The following C12orf56 variants were observed in gnomAD, a reference collection of about 807,000 sequenced individuals.
The protein encoded by C12orf56 is uncharacterized protein C12orf56.
Under a neutral mutation model 69.9 loss-of-function variants are expected in C12orf56, and 71 were observed. The observed-to-expected ratio is 1.02, with a 90% CI of 0.84 to 1.24. The LOEUF (loss-of-function observed/expected upper bound fraction) is 1.24. C12orf56 is among the 50% of genes most tolerant of loss of function. The pLI is 0.00. For synonymous variants in C12orf56, 276 were observed against 274.1 expected (o/e 1.01, Z -0.07); for missense variants, 732 against 738.5 (o/e 0.99, Z 0.10).
chr12:64,318,741 C>T lies in C12orf56; in HGVS notation c.728G>A (p.Cys243Tyr). The T allele has an allele frequency of 6.5e-7, 1 of 1,534,104 alleles. No homozygotes were observed. Among genetic ancestry groups the T allele is most frequent in the South Asian group, 1.2e-5 (1 of 83,906 alleles). The change falls in exon 4 of 13, where the codon TGC (cysteine) becomes TAC (tyrosine). Residue 243 changes from cysteine to tyrosine, a missense_variant. By Grantham distance (194) the Cys-to-Tyr change is radical. Transcript: ENST00000543942. ...HNSISEIPFK[C>Y]NGNGNEFYLG... ...GTAAAACTCATTTCCATTCCCATTG[C>T]ACTTGAAAGGAATTTCACTTATGGA...
chr12:64,307,368 C>CTTTTTTTTTTTTT (rs748644044), intron 5 of C12orf56, among the ~76,000 whole-genome samples: 2 of 115,264 alleles, frequency 1.7e-5, no homozygotes, highest in African/African-American at 3.3e-5. Context: ...ATAGTCAGTC[C>CTTTTTTTTTTTTT]TTTTTTTTTT....
intron 3 of C12orf56, among the ~76,000 whole-genome samples, chr12:64,327,948 G>T (rs1483485147): frequency 6.6e-6 from 1 of 151,974 alleles, no homozygotes; most frequent in Non-Finnish European, 1.5e-5. Context: ...TGGCCTTAAG[G>T]TTAAAATTCT....
chr12:64,327,190 A>AT (rs78004180), intron 3 of C12orf56, among the ~76,000 whole-genome samples: 68,196 of 151,810 alleles, frequency 0.45, 15,684 homozygotes, highest in African/African-American at 0.54. Context: ...TAAGAAATAC[A>AT]TTTTTTTCCT....
chr12:64,297,197 AT>A (rs1183415917), intron 6 of C12orf56, among the ~76,000 whole-genome samples: 3 of 152,152 alleles, frequency 2.0e-5, no homozygotes, highest in Admixed American at 2.0e-4. Context: ...AAATAAAAAA[AT>A]CTTAAAGGAT....
chr12:64,349,469 A>G (rs781313509), intron 2 of C12orf56, among the ~76,000 whole-genome samples: 1 of 152,236 alleles, frequency 6.6e-6, no homozygotes, highest in Non-Finnish European at 1.5e-5. Context: ...TTAAAGAACT[A>G]GAAATAGAAC....
At chr12:64,278,293 G>A (rs1307165284) in intron 8 of C12orf56, among the ~76,000 whole-genome samples, 1 of 152,074 alleles carries the variant, frequency 6.6e-6, no homozygotes. Flanking sequence ...GCAACAGTAT[G>A]CAGCTCTTCT....
At chr12:64,328,552 C>T (rs965782466) in intron 3 of C12orf56, among the ~76,000 whole-genome samples, 6 of 150,998 alleles carry the variant, frequency 4.0e-5, no homozygotes, top group Non-Finnish European at 5.9e-5. Context: ...TGGTGGCGGG[C>T]GCCTGTAATC....
chr12:64,360,347 C>T (rs2039383322), intron 1 of C12orf56, among the ~76,000 whole-genome samples: 1 of 152,116 alleles, frequency 6.6e-6, no homozygotes, highest in Non-Finnish European at 1.5e-5. Flanking sequence ...ATCGCTTGAA[C>T]CCGGGAGGTG....
chr12:64,302,889 A>G (rs568613525), intron 6 of C12orf56, among the ~76,000 whole-genome samples: 3 of 152,304 alleles, frequency 2.0e-5, no homozygotes, highest in East Asian at 3.9e-4. Context: ...TAATCACAGC[A>G]CTTTAGGAAG....
chr12:64,304,644 C>T (rs1473191612), intron 5 of C12orf56, among the ~76,000 whole-genome samples: 1 of 152,090 alleles, frequency 6.6e-6, no homozygotes. Context: ...AAAATGTCAC[C>T]GGGTTAAATA....
chr12:64,314,643 CTT>C (rs151154285), intron 4 of C12orf56, among the ~76,000 whole-genome samples: 1 of 144,196 alleles, frequency 6.9e-6, no homozygotes, highest in African/African-American at 2.5e-5. Context: ...TGCAGACAAG[CTT>C]TTTTTTTTTT....
At chr12:64,356,186 A>AC (rs2039313446) in intron 1 of C12orf56, among the ~76,000 whole-genome samples, 1 of 150,050 alleles carries the variant, frequency 6.7e-6, no homozygotes, top group African/African-American at 2.4e-5. Flanking sequence ...AAAAAAAAAA[A>AC]AAAAAAAAAA....
intron 7 of C12orf56, among the ~76,000 whole-genome samples, chr12:64,285,521 C>T (rs1253358148): frequency 6.6e-6 from 1 of 151,996 alleles, no homozygotes; most frequent in Non-Finnish European, 1.5e-5. Context: ...GGCATGGTGG[C>T]TCATGTCTGT....
intron 1 of C12orf56, among the ~76,000 whole-genome samples, chr12:64,354,640 G>A (rs997684452): frequency 4.0e-5 from 6 of 151,438 alleles, no homozygotes; most frequent in Non-Finnish European, 8.9e-5. Context: ...TGTATTTTTC[G>A]TAGAGATGGG....
intron 3 of C12orf56, among the ~76,000 whole-genome samples, chr12:64,325,249 GC>G (rs1355007592): frequency 6.6e-6 from 1 of 151,998 alleles, no homozygotes; most frequent in African/African-American, 2.4e-5. Flanking sequence ...ACATTAAGCA[GC>G]AGCAGTGGAG....
At position 64,353,043 on chromosome 12, in the gene C12orf56, G is replaced by A. The variant is rs201983310; in HGVS notation, c.266C>T (p.Pro89Leu). 165 of 1,610,308 alleles carry A rather than the reference G, an allele frequency of 1.0e-4. 5 individuals are homozygous for A. The South Asian group carries it at 1.1e-3, about 10-fold the overall frequency. The change falls in exon 2 of 13, where the codon CCG becomes CTG. Residue 89 changes from proline to leucine, a missense_variant. Transcript: ENST00000543942. ...TCTATCTGGCGAACTCAAAAATTCCGGGTAATCATCAATCTGGAAAAAAAA... is the reference window on the plus strand; with the variant it reads ...TCTATCTGGCGAACTCAAAAATTCCAGGTAATCATCAATCTGGAAAAAAAA... Reference protein sequence around the residue: ...VVAIDLIDDYPEFLSSPDREI... With the variant: ...VVAIDLIDDYLEFLSSPDREI...
At chr12:64,270,887 G>A (rs1392577979) in intron 11 of C12orf56, among the ~76,000 whole-genome samples, 173 bp from the exon 12 acceptor site, 1 of 152,222 alleles carries the variant, frequency 6.6e-6, no homozygotes, top group Non-Finnish European at 1.5e-5. Context: ...ATAGGAGGAA[G>A]CTGGGCATGG....
chr12:64,367,223 A>ATATATTATATATAATATACAGTT lies in C12orf56; in HGVS notation c.253-14168_253-14167insAACTGTATATTATATATAATATA, dbSNP rs1230184240. Among the ~76,000 whole-genome samples, 2 of 131,522 alleles carry ATATATTATATATAATATACAGTT rather than the reference A, an allele frequency of 1.5e-5. 1 individual carries two copies. The highest frequency in any genetic ancestry group is 5.6e-5 in the African/African-American group (2 of 36,020). The allele number at this position is 131,522 out of a possible 152,430, so 86.3% of individuals were successfully genotyped here. A position where few individuals can be genotyped will look rare whatever the true frequency, so the allele number is the denominator to read the frequency against. On this transcript the variant is annotated intron_variant, in intron 1 of 12. Transcript: ENST00000543942. Reference sequence around the variant, plus strand: ...ATATATTATATATAACATACAGTTTATATATTATATGTAATATACAGTTTA... The same window carrying ATATATTATATATAATATACAGTT: ...ATATATTATATATAACATACAGTTTATATATTATATATAATATACAGTTTATATTATATGTAATATACAGTTTA...
intron 3 of C12orf56, 102 bp downstream of exon 3, chr12:64,330,858 G>T: frequency 1.1e-6 from 1 of 935,974 alleles, no homozygotes; most frequent in Non-Finnish European, 1.6e-6. Flanking sequence ...ATAGAACTCA[G>T]TCCAAAGCCA....
Sources: gnomAD v4.1 joint callset for allele counts (sites outside exome capture counted in the v4.1 genomes callset) on GRCh38, gnomAD v4.1.1 for gene constraint, MANE v1.5 for transcripts, NCBI Gene and HGNC (gene_info 2026-07-23, HGNC 2026-07-21) for gene names.